The following ZNF277 variants were observed in gnomAD, a reference collection of about 807,000 sequenced individuals.
ZNF277 encodes the protein zinc finger protein 277.
ZNF277 carries 55 observed loss-of-function variants against 60.7 expected under a neutral mutation model. The ratio of observed to expected loss-of-function variants is 0.91; its 90% confidence interval spans 0.73 to 1.13. ZNF277 has a LOEUF of 1.13. Ranked by LOEUF, ZNF277 falls within the 50% of genes most tolerant of loss-of-function variation. The probability of loss-of-function intolerance (pLI) is 0.00; values close to 1 mark genes in which losing one functional copy is unlikely to be tolerated. For synonymous variants in ZNF277, 178 were observed against 179.3 expected (o/e 0.99, Z 0.06); for missense variants, 510 against 523.0 (o/e 0.98, Z 0.24).
At chr7:112,296,185 G>A (rs957415014) in intron 3 of ZNF277, 44 bp from the exon 4 acceptor site, 2 of 1,326,636 alleles carry the variant, frequency 1.5e-6, no homozygotes, top group South Asian at 2.5e-5. Flanking sequence ...GGGAAAAAAT[G>A]GTTAATATCT....
At position 112,286,843 on chromosome 7, in the gene ZNF277, T is replaced by TTC; in HGVS notation, c.92-29_92-28insCT. The stretch of plus-strand genomic sequence containing the variant: ...TTGGTTTCAGCTTTTCTTTCTTTCT[T>TTC]TTTTTTTTTTTTTTTTTGGTCTATT... On this transcript the variant is annotated intron_variant, in intron 1 of 11. Transcript: ENST00000361822. 1.7e-5 allele frequency: 3 copies of TTC among 177,862 alleles called. No homozygotes were observed. The East Asian group carries it at 9.2e-4, about 54-fold the overall frequency. The allele number at this position is 177,862 out of a possible 1,614,324, so 11.0% of individuals were successfully genotyped here.
intron 1 of ZNF277, among the ~76,000 whole-genome samples, chr7:112,243,067 C>G (rs1048235446): frequency 3.3e-5 from 5 of 151,744 alleles, no homozygotes; most frequent in South Asian, 2.1e-4. Flanking sequence ...AAAATATACA[C>G]TACAAAAGGA....
chr7:112,206,711 C>T lies in ZNF277; in HGVS notation c.-6C>T, dbSNP rs779122871. On this transcript the variant is annotated 5_prime_UTR_variant, in exon 1 of 12. Transcript: ENST00000361822. ...TGCGGCCCTCCCTTTTCTTTTCTGCCGGGTAATGGCTGCTTCCAAGACCCA... is the reference window on the plus strand; with the variant it reads ...TGCGGCCCTCCCTTTTCTTTTCTGCTGGGTAATGGCTGCTTCCAAGACCCA... 7.4e-5 allele frequency: 120 copies of T among 1,612,862 alleles called. No individual in the cohort carries two copies. The highest frequency in any genetic ancestry group is 9.7e-5 in the Non-Finnish European group (114 of 1,179,622).
At chr7:112,219,227 A>C (rs1268715667) in intron 1 of ZNF277, among the ~76,000 whole-genome samples, 1 of 152,196 alleles carries the variant, frequency 6.6e-6, no homozygotes. Context: ...GCATTTCTTC[A>C]TATACCTGTT....
In ZNF277 at chr7:112,230,088, G is replaced by T. The variant is rs532828888; in HGVS notation, c.91+23281G>T. On this transcript the variant is annotated intron_variant, in intron 1 of 11. Coordinates refer to ENST00000361822, the MANE Select transcript of ZNF277 (RefSeq NM_021994.3). Reference sequence around the variant, plus strand: ...GTTTCTCCTACATGATGAGGAGAGTGCTTTAAGTGGGTGAGTAATATGAAT... The same window carrying T: ...GTTTCTCCTACATGATGAGGAGAGTTCTTTAAGTGGGTGAGTAATATGAAT... 1.4e-4 allele frequency among the ~76,000 whole-genome samples: 22 copies of T among 152,356 alleles called. 1 individual carries two copies. In the South Asian group the frequency reaches 4.3e-3, roughly 30 times the overall value.
At chr7:112,300,980 C>A (rs889847413) in intron 4 of ZNF277, among the ~76,000 whole-genome samples, 1 of 151,922 alleles carries the variant, frequency 6.6e-6, no homozygotes, top group Non-Finnish European at 1.5e-5. Context: ...ATTGACACTG[C>A]CTCCAGAATT....
Position 112,276,156 on chromosome 7 carries a change from G to A in ZNF277, c.92-10717G>A, listed in dbSNP as rs1356917160. On this transcript the variant is annotated intron_variant, in intron 1 of 11. Coordinates refer to ENST00000361822, the MANE Select transcript of ZNF277 (RefSeq NM_021994.3). Reference sequence around the variant, plus strand: ...TCATTGAGAGTTTTCTAGACAAAAAGAATAGATTTGGAAATAACCAACTTC... The same window carrying A: ...TCATTGAGAGTTTTCTAGACAAAAAAAATAGATTTGGAAATAACCAACTTC... Among the ~76,000 whole-genome samples the A allele has an allele frequency of 2.0e-5, 3 of 152,186 alleles. No individual in the cohort carries two copies. The East Asian group carries it at 5.8e-4, about 29-fold the overall frequency.
chr7:112,240,577 CA>C (rs1265819619), intron 1 of ZNF277, among the ~76,000 whole-genome samples: 1 of 151,786 alleles, frequency 6.6e-6, no homozygotes, highest in Non-Finnish European at 1.5e-5. Context: ...TTTAAGAAAA[CA>C]AAAACAAATG....
At chr7:112,330,660 T>A (rs1184255313) in intron 7 of ZNF277, among the ~76,000 whole-genome samples, 1 of 150,676 alleles carries the variant, frequency 6.6e-6, no homozygotes, top group African/African-American at 2.4e-5. Context: ...TGCCTCCTGG[T>A]ATCAAGCAAT....
intron 1 of ZNF277, among the ~76,000 whole-genome samples, chr7:112,210,900 T>G (rs559703769): frequency 1.3e-5 from 2 of 152,358 alleles, no homozygotes; most frequent in East Asian, 1.9e-4. Context: ...GTCATTGGCA[T>G]TTGTTCTTTT....
At chr7:112,300,580 T>C (rs1413381584) in intron 4 of ZNF277, among the ~76,000 whole-genome samples, 2 of 152,224 alleles carry the variant, frequency 1.3e-5, no homozygotes, top group Admixed American at 6.5e-5. Flanking sequence ...ATGTTAGTGC[T>C]GGTGCAGAGT....
Position 112,318,258 on chromosome 7 carries a change from A to T in ZNF277, c.542A>T (p.Glu181Val). Reference sequence around the variant, plus strand: ...GGCGTTTGTATGTTTTGCAATGAAGAATTCCTTGGAAACAGGTTTGCCATT... The same window carrying T: ...GGCGTTTGTATGTTTTGCAATGAAGTATTCCTTGGAAACAGGTTTGCCATT... Reference protein sequence around the residue: ...FHGVCMFCNEEFLGNRSVILN... With the variant: ...FHGVCMFCNEVFLGNRSVILN... The change falls in exon 5 of 12, where the codon GAA becomes GTA. Residue 181 changes from glutamate to valine, a missense_variant. Transcript: ENST00000361822. The T allele has an allele frequency of 1.2e-6, 2 of 1,612,996 alleles. No homozygotes were observed. Among genetic ancestry groups the T allele is most frequent in the Non-Finnish European group, 1.7e-6 (2 of 1,179,138 alleles).
chr7:112,296,028 A>T (rs1310189913), intron 3 of ZNF277, 71 bp downstream of exon 3: 4 of 1,213,608 alleles, frequency 3.3e-6, no homozygotes, highest in South Asian at 2.5e-5. Context: ...TTACTGTCTT[A>T]TATTAGAATT....
intron 2 of ZNF277, chr7:112,289,012 G>A (rs1792140012): frequency 7.0e-6 from 1 of 142,372 alleles, no homozygotes; most frequent in East Asian, 2.0e-4. Flanking sequence ...TAGTGCCTGA[G>A]ACATGTGTAC....
At chr7:112,319,858 C>T (rs367790567) in intron 5 of ZNF277, among the ~76,000 whole-genome samples, 2 of 151,594 alleles carry the variant, frequency 1.3e-5, no homozygotes, top group East Asian at 1.9e-4. Context: ...AAGGACTTTA[C>T]GGGCATAACA....
At chr7:112,257,639 A>G (rs1253366722) in intron 1 of ZNF277, among the ~76,000 whole-genome samples, 1 of 152,254 alleles carries the variant, frequency 6.6e-6, no homozygotes. Context: ...TAAATTTACT[A>G]CTACCTTCAG....
At chr7:112,324,851 C>A (rs745551981) in intron 5 of ZNF277, among the ~76,000 whole-genome samples, 1 of 152,072 alleles carries the variant, frequency 6.6e-6, no homozygotes, top group African/African-American at 2.4e-5. Flanking sequence ...TTCAAGAAAG[C>A]CAGTGGTAAA....
intron 4 of ZNF277, among the ~76,000 whole-genome samples, chr7:112,302,261 T>A (rs1254138627): frequency 6.6e-6 from 1 of 152,032 alleles, no homozygotes; most frequent in South Asian, 2.1e-4. Flanking sequence ...GTCTCACCTC[T>A]CCCCACAATA....
At chr7:112,262,516 G>A (rs577939503) in intron 1 of ZNF277, among the ~76,000 whole-genome samples, 14 of 151,874 alleles carry the variant, frequency 9.2e-5, no homozygotes, top group East Asian at 5.8e-4. Flanking sequence ...AAAAGTACAC[G>A]GTTTACATGA....
Sources: allele counts gnomAD v4.1 joint callset (sites outside exome capture counted in the v4.1 genomes callset), GRCh38; gene constraint gnomAD v4.1.1; transcripts MANE v1.5; gene names NCBI Gene and HGNC (gene_info 2026-07-23, HGNC 2026-07-21).